Variants in TRDN observed in about 807,000 individuals in gnomAD.
TRDN encodes the protein triadin, also known as triadin in skeletal muscle.
TRDN carries 161 observed loss-of-function variants against 149.7 expected under a neutral mutation model. The ratio of observed to expected loss-of-function variants is 1.08; its 90% CI spans 0.95 to 1.23. The LOEUF is 1.23. Among genes scored for constraint, TRDN ranks in the 50% most tolerant of loss-of-function variants. The pLI is 0.00. For missense variants in TRDN, 896 were observed against 823.5 expected, an observed-to-expected ratio of 1.09 and a Z score of -1.08; for synonymous variants, 294 against 250.5, an observed-to-expected ratio of 1.17 and a Z score of -1.64.
chr6:123,582,081 A>T (rs2114581503), intron 1 of TRDN, among the ~76,000 whole-genome samples: 1 of 152,300 alleles, frequency 6.6e-6, no homozygotes, highest in East Asian at 1.9e-4. Context: ...TTGATTTTAC[A>T]CATTTTAGGG....
At chr6:123,225,781 C>G (rs1390287265) in intron 38 of TRDN, among the ~76,000 whole-genome samples, 1 of 151,652 alleles carries the variant, frequency 6.6e-6, no homozygotes, top group Non-Finnish European at 1.5e-5. Flanking sequence ...TTGTGTAAAT[C>G]ACTTGGTCTT....
chr6:123,337,483 G>A (rs1426423899), intron 22 of TRDN, 136 bp downstream of exon 22: 2 of 310,468 alleles, frequency 6.4e-6, no homozygotes, highest in Non-Finnish European at 1.2e-5. Flanking sequence ...ATAAACACAA[G>A]TTTTTAAAAA....
chr6:123,504,941 C>T (rs1156519640), intron 7 of TRDN, among the ~76,000 whole-genome samples: 1 of 152,086 alleles, frequency 6.6e-6, no homozygotes, highest in African/African-American at 2.4e-5. Context: ...TTTATTGTCA[C>T]TCATGTTAAA....
At chr6:123,508,129 T>C (rs773952910) in intron 7 of TRDN, among the ~76,000 whole-genome samples, 2 of 152,188 alleles carry the variant, frequency 1.3e-5, no homozygotes, top group Non-Finnish European at 2.9e-5. Flanking sequence ...ATAATCTGCA[T>C]GTCTAGAGCT....
Position 123,538,679 on chromosome 6 carries a change from G to A in TRDN, c.425-8114C>T, listed in dbSNP as rs368477990. 3.7e-4 allele frequency among the ~76,000 whole-genome samples: 57 copies of A among 152,066 alleles called. 1 individual carries two copies. The East Asian group carries it at 6.6e-3, about 18-fold the overall frequency. ...AATTATTTTGGATCTTTATTTTATC[G>A]TGTTTGATTACTTGGTAAGATAAGC... is the stretch of plus-strand genomic sequence containing the variant. On this transcript the variant is annotated intron_variant, in intron 4 of 40. Coordinates refer to ENST00000334268, the MANE Select transcript of TRDN (RefSeq NM_006073.4).
At chr6:123,299,487 T>A (rs1359092255) in intron 24 of TRDN, among the ~76,000 whole-genome samples, 1 of 152,004 alleles carries the variant, frequency 6.6e-6, no homozygotes, top group Non-Finnish European at 1.5e-5. Flanking sequence ...AAATAAATAG[T>A]CCTGTTTTTC....
At chr6:123,539,694 T>C (rs550817532) in intron 4 of TRDN, among the ~76,000 whole-genome samples, 1 of 152,322 alleles carries the variant, frequency 6.6e-6, no homozygotes, top group Non-Finnish European at 1.5e-5. Context: ...CAGTGATATA[T>C]ATATTAACTT....
At chr6:123,477,536 T>G (rs1225607662) in intron 9 of TRDN, among the ~76,000 whole-genome samples, 15 of 147,878 alleles carry the variant, frequency 1.0e-4, no homozygotes, top group Non-Finnish European at 1.5e-5. Flanking sequence ...GAAATACCAT[T>G]TGACCCAGCC....
chr6:123,382,119 T>G lies in TRDN; in HGVS notation c.1164A>C (p.Glu388Asp). The G allele has an allele frequency of 6.7e-7, 1 of 1,495,864 alleles. No individual in the cohort carries two copies. The highest frequency in any genetic ancestry group is 2.7e-5 in the East Asian group (1 of 37,184). 92.7% of individuals were successfully genotyped at this position (1,495,864 alleles called of 1,614,324 possible). ...EDSKKTKKPAEVEQPKGKKQE... is the reference protein window; with the variant it reads ...EDSKKTKKPADVEQPKGKKQE... ...GAAAAAAAGAAATATGTCCAGTACC[T>G]TCTGCAGGTTTTTTTGTTTTCTTGG... Residue 388 changes from glutamate (E) to aspartate (D), a missense_variant and splice_region_variant, in exon 15 of 41, where the codon GAA becomes GAC. Glu to Asp is a conservative substitution (Grantham distance 45). Transcript: ENST00000334268.
At chr6:123,504,388 T>C (rs1052127268) in intron 7 of TRDN, among the ~76,000 whole-genome samples, 1 of 152,144 alleles carries the variant, frequency 6.6e-6, no homozygotes, top group African/African-American at 2.4e-5. Flanking sequence ...AAGTCTTTTT[T>C]AAAGACAACA....
intron 1 of TRDN, among the ~76,000 whole-genome samples, chr6:123,624,980 C>A (rs1203649429): frequency 6.6e-6 from 1 of 152,054 alleles, no homozygotes; most frequent in East Asian, 1.9e-4. Flanking sequence ...AGGAATTTTA[C>A]CCAATTTCTT....
chr6:123,416,995 G>A (rs1219034573), intron 12 of TRDN, among the ~76,000 whole-genome samples: 4 of 152,202 alleles, frequency 2.6e-5, no homozygotes, highest in South Asian at 4.1e-4. Flanking sequence ...GAGCCACCAC[G>A]CCCAGCCACC....
At chr6:123,276,103 A>G (rs529341233) in intron 26 of TRDN, among the ~76,000 whole-genome samples, 110 of 152,138 alleles carry the variant, frequency 7.2e-4, no homozygotes, top group Non-Finnish European at 1.1e-3. Flanking sequence ...GTTCCCATTC[A>G]CAAAAGAGGA....
At chr6:123,597,015 G>A (rs928872464) in intron 1 of TRDN, among the ~76,000 whole-genome samples, 11 of 151,978 alleles carry the variant, frequency 7.2e-5, no homozygotes, top group African/African-American at 1.7e-4. Flanking sequence ...TAAGAAATAC[G>A]TTTTTGTAAA....
At chr6:123,363,038 T>C (rs1398742544) in intron 20 of TRDN, among the ~76,000 whole-genome samples, 3 of 152,114 alleles carry the variant, frequency 2.0e-5, no homozygotes, top group Non-Finnish European at 4.4e-5. Context: ...TGCAGATAAA[T>C]TGACACATTA....
chr6:123,407,755 A>AT (rs139230651), intron 12 of TRDN, among the ~76,000 whole-genome samples: 24 of 151,538 alleles, frequency 1.6e-4, no homozygotes, highest in African/African-American at 3.4e-4. Flanking sequence ...GCATGGCAAT[A>AT]TTTTTTTTTG....
At chr6:123,255,159 A>G (rs761996942) in intron 36 of TRDN, 34 bp from the exon 37 acceptor site, 1 of 1,005,842 alleles carries the variant, frequency 9.9e-7, no homozygotes, top group Admixed American at 2.9e-5. Flanking sequence ...TAAAATATAA[A>G]TTTTTAAAGT....
intron 24 of TRDN, among the ~76,000 whole-genome samples, chr6:123,280,461 C>T (rs1326393025): frequency 6.6e-6 from 1 of 152,012 alleles, no homozygotes; most frequent in Non-Finnish European, 1.5e-5. Context: ...TCAACACACA[C>T]AAAATAATTT....
intron 10 of TRDN, among the ~76,000 whole-genome samples, chr6:123,446,237 G>C (rs1165607976): frequency 6.6e-6 from 1 of 151,260 alleles, no homozygotes. Flanking sequence ...GGACTGTTGT[G>C]GGGTGGGGGG....
Sources: allele counts gnomAD v4.1 joint callset (sites outside exome capture counted in the v4.1 genomes callset), GRCh38; gene constraint gnomAD v4.1.1; transcripts MANE v1.5; gene names NCBI Gene and HGNC (gene_info 2026-07-23, HGNC 2026-07-21).